Variants in IL1RAP observed in about 807,000 individuals in gnomAD.
IL1RAP encodes interleukin 1 receptor accessory protein, also known as interleukin-1 receptor accessory protein.
A neutral mutation model predicts 60.7 loss-of-function variants in IL1RAP; 35 were observed. The observed-to-expected ratio is 0.58, with a 90% CI of 0.44 to 0.76. The LOEUF (loss-of-function observed/expected upper bound fraction) is 0.76. Among genes scored for constraint, IL1RAP ranks in the 30% least tolerant of loss-of-function variants. IL1RAP has a pLI of 0.00. For synonymous variants in IL1RAP, 268 were observed against 250.9 expected, an observed-to-expected ratio of 1.07 and a Z score of -0.64; for missense variants, 572 against 693.9, an observed-to-expected ratio of 0.82 and a Z score of 1.97.
intron 6 of IL1RAP, among the ~76,000 whole-genome samples, chr3:190,622,388 A>C (rs9813227): frequency 0.9 from 136,745 of 152,244 alleles, 61,642 homozygotes; most frequent in East Asian, 1. Context: ...GCATGTCCTA[A>C]AGTTTAATTC....
rs765787782 is a variant in IL1RAP at position 190,648,483 on chromosome 3, C to T, written c.1491C>T (p.Asn497=). 1.9e-5 allele frequency: 31 copies of T among 1,613,930 alleles called. No homozygotes were observed. Among genetic ancestry groups the T allele is most frequent in the African/African-American group, 2.7e-5 (2 of 74,882 alleles). The change falls in exon 12 of 12, where the codon AAC becomes AAT. Residue 497 remains asparagine, a synonymous_variant. Coordinates refer to ENST00000447382, the MANE Select transcript of IL1RAP (RefSeq NM_002182.4). ...LENMASRGNI[N]VILVQYKAVK... ...ATATGGCCTCTCGGGGCAACATCAACGTCATTTTAGTACAGTACAAAGCTG... is the reference window on the plus strand; with the variant it reads ...ATATGGCCTCTCGGGGCAACATCAATGTCATTTTAGTACAGTACAAAGCTG...
At chr3:190,639,024 G>A (rs1041313447) in intron 9 of IL1RAP, among the ~76,000 whole-genome samples, 9 of 152,004 alleles carry the variant, frequency 5.9e-5, no homozygotes, top group African/African-American at 1.9e-4. Context: ...TATTTGTTAT[G>A]TTTTTCTTTG....
chr3:190,535,735 T>A (rs935952416), intron 1 of IL1RAP, among the ~76,000 whole-genome samples: 2 of 152,246 alleles, frequency 1.3e-5, no homozygotes, highest in Non-Finnish European at 2.9e-5. Flanking sequence ...ATAAGATTCA[T>A]GTATCCTGGC....
chr3:190,648,379 C>A lies in IL1RAP; in HGVS notation c.1387C>A (p.Arg463Ser). Residue 463 changes from arginine (R) to serine (S), a missense_variant, in exon 12 of 12, where the codon CGC becomes AGC. Arg to Ser is a moderately radical substitution (Grantham distance 110, BLOSUM62 -1). Transcript: ENST00000447382. ...TTTGAGCTTCATTCAGAAAAGCAGACGCCTCCTGGTTGTTCTAAGCCCCAA... is the reference window on the plus strand; with the variant it reads ...TTTGAGCTTCATTCAGAAAAGCAGAAGCCTCCTGGTTGTTCTAAGCCCCAA... ...ETLSFIQKSR[R>S]LLVVLSPNYV... 1 of 1,603,512 alleles carries A rather than the reference C, an allele frequency of 6.2e-7. No homozygotes were observed. The highest frequency in any genetic ancestry group is 8.5e-7 in the Non-Finnish European group (1 of 1,177,268).
intron 5 of IL1RAP, chr3:190,615,419 C>A: frequency 1.7e-6 from 1 of 598,404 alleles, no homozygotes; most frequent in Non-Finnish European, 2.7e-6. Context: ...TTTGGCAGGC[C>A]ATCCTAACTT....
At chr3:190,585,185 G>T (rs1315274235) in intron 3 of IL1RAP, among the ~76,000 whole-genome samples, 1 of 152,104 alleles carries the variant, frequency 6.6e-6, no homozygotes, top group Non-Finnish European at 1.5e-5. Flanking sequence ...ACAGCCTCAT[G>T]TATTATCTTT....
At chr3:190,516,713 T>G (rs1303355404) in intron 1 of IL1RAP, among the ~76,000 whole-genome samples, 4 of 141,054 alleles carry the variant, frequency 2.8e-5, no homozygotes, top group Non-Finnish European at 6.0e-5. Context: ...GTTTCTGTTT[T>G]ATCCAGTTCT....
At chr3:190,558,691 G>C (rs1452524710) in intron 2 of IL1RAP, among the ~76,000 whole-genome samples, 1 of 152,100 alleles carries the variant, frequency 6.6e-6, no homozygotes, top group East Asian at 1.9e-4. Flanking sequence ...CAATGTCTTA[G>C]GGCTTTCTAT....
At chr3:190,627,021 A>T (rs920081391) in intron 7 of IL1RAP, among the ~76,000 whole-genome samples, 2 of 152,166 alleles carry the variant, frequency 1.3e-5, no homozygotes, top group Non-Finnish European at 2.9e-5. Context: ...TATTTAGATT[A>T]CATTAAAAAT....
chr3:190,569,093 T>C (rs924625767), intron 3 of IL1RAP, among the ~76,000 whole-genome samples: 8 of 152,224 alleles, frequency 5.3e-5, no homozygotes, highest in Admixed American at 3.3e-4. Context: ...ACTCAAAAGA[T>C]AGTGCAAAGG....
At chr3:190,658,477 A>G (rs2108877806) in exon 12 of IL1RAP, 1 of 152,280 alleles carries the variant, frequency 6.6e-6, no homozygotes, top group South Asian at 2.1e-4. Flanking sequence ...GAAAAGAAAA[A>G]TCTGGAAAAT....
chr3:190,650,233 C>G lies in IL1RAP; in HGVS notation c.*1528C>G. On this transcript the variant is annotated 3_prime_UTR_variant, in exon 12 of 12. Transcript: ENST00000447382. ...ACATATTATTTGTTAATTCACAGCT[C>G]ACAGAGTGATAGTTGTCATAGTTCT... 6.1e-6 allele frequency: 6 copies of G among 984,782 alleles called. No homozygotes were observed. The highest frequency in any genetic ancestry group is 7.2e-6 in the Non-Finnish European group (6 of 829,402). The allele number at this position is 984,782 out of a possible 1,614,324, so 61.0% of individuals were successfully genotyped here.
chr3:190,572,893 T>C (rs1727087189), intron 3 of IL1RAP, among the ~76,000 whole-genome samples: 1 of 67,438 alleles, frequency 1.5e-5, no homozygotes, highest in Non-Finnish European at 2.8e-5. Flanking sequence ...AGACGGAGTC[T>C]CGCTCTGTCG....
chr3:190,604,193 C>G lies in IL1RAP; in HGVS notation c.130C>G (p.Arg44Gly). ...CCAAGTGTTTGAAGATGAGCCAGCT[C>G]GCATCAAGTGCCCACTCTTTGAACA... ...QIQVFEDEPA[R>G]IKCPLFEHFL... Residue 44 changes from arginine (R) to glycine (G), a missense_variant, in exon 4 of 12, where the codon CGC becomes GGC. Coordinates refer to ENST00000447382, the MANE Select transcript of IL1RAP (RefSeq NM_002182.4). The G allele has an allele frequency of 6.2e-7, 1 of 1,613,978 alleles. No homozygotes were observed. The highest frequency in any genetic ancestry group is 8.5e-7 in the Non-Finnish European group (1 of 1,179,960).
intron 1 of IL1RAP, among the ~76,000 whole-genome samples, chr3:190,535,234 C>T (rs1560147339): frequency 6.6e-6 from 1 of 152,200 alleles, no homozygotes; most frequent in Admixed American, 6.5e-5. Flanking sequence ...ACTCAAGTCT[C>T]CTGCCTGCTT....
intron 3 of IL1RAP, among the ~76,000 whole-genome samples, chr3:190,597,073 C>T (rs1452770636): frequency 1.3e-5 from 2 of 152,172 alleles, no homozygotes; most frequent in African/African-American, 2.4e-5. Flanking sequence ...AGGAGGCTGA[C>T]TCACTTTACA....
intron 5 of IL1RAP, among the ~76,000 whole-genome samples, chr3:190,618,283 A>G (rs1218989382): frequency 6.6e-6 from 1 of 152,232 alleles, no homozygotes; most frequent in South Asian, 2.1e-4. Flanking sequence ...TCATTCATCT[A>G]TAAAACGGAG....
At chr3:190,623,717 C>T (rs1731979328) in intron 7 of IL1RAP, among the ~76,000 whole-genome samples, 1 of 152,034 alleles carries the variant, frequency 6.6e-6, no homozygotes, top group Non-Finnish European at 1.5e-5. Context: ...TTTGGTTTGC[C>T]AAGGCTGCAA....
At chr3:190,519,290 C>T (rs1224730089) in intron 1 of IL1RAP, among the ~76,000 whole-genome samples, 1 of 152,114 alleles carries the variant, frequency 6.6e-6, no homozygotes, top group Non-Finnish European at 1.5e-5. Flanking sequence ...TTGTTTTATT[C>T]CCTGGAGATG....
Sources: allele counts gnomAD v4.1 joint callset (sites outside exome capture counted in the v4.1 genomes callset), GRCh38; gene constraint gnomAD v4.1.1; transcripts MANE v1.5; gene names NCBI Gene and HGNC (gene_info 2026-07-23, HGNC 2026-07-21).